DNAH2: variants seen among roughly 807,000 people sequenced by gnomAD.
DNAH2 encodes axonemal beta dynein heavy chain 2.
Under a neutral mutation model 523.5 loss-of-function variants are expected in DNAH2, and 323 were observed. The ratio of observed to expected loss-of-function variants is 0.62; its 90% CI spans 0.56 to 0.68. The LOEUF (loss-of-function observed/expected upper bound fraction) is 0.68. Ranked by LOEUF, DNAH2 falls within the 30% of genes least tolerant of loss-of-function variation. The probability of loss-of-function intolerance (pLI) is 0.00; values close to 1 mark genes in which losing one functional copy is unlikely to be tolerated. For missense variants in DNAH2, 4,907 were observed against 5,701.5 expected (o/e 0.86, Z 4.49); for synonymous variants, 2,093 against 2,177.4 (o/e 0.96, Z 1.08).
Position 7,743,487 on chromosome 17 carries a change from A to G in DNAH2, c.1904+345A>G, listed in dbSNP as rs181090270. On this transcript the variant is annotated intron_variant, in intron 12 of 85. Transcript: ENST00000572933. ...TTGAGAACAGCCTGGGCAACATGGC[A>G]AAACCCAGTCTCTGCAAAAAATACA... The G allele has an allele frequency of 1.9e-3, 1,214 of 642,438 alleles. 4 individuals carry two copies. The highest frequency in any genetic ancestry group is 3.7e-3 in the Admixed American group (143 of 39,062). 39.8% of individuals were successfully genotyped at this position (642,438 alleles called of 1,614,324 possible). A position where few individuals can be genotyped will look rare whatever the true frequency, so the allele number is the denominator to read the frequency against.
chr17:7,796,554 A>G lies in DNAH2; in HGVS notation c.7765A>G (p.Thr2589Ala). The G allele has an allele frequency of 6.2e-7, 1 of 1,613,596 alleles. No homozygotes were observed. The highest frequency in any genetic ancestry group is 1.1e-5 in the South Asian group (1 of 91,030). The change falls in exon 50 of 86, where the codon ACA (threonine) becomes GCA (alanine). Residue 2589 changes from threonine to alanine, a missense_variant. By Grantham distance (58) the Thr-to-Ala change is moderately conservative. Coordinates refer to ENST00000572933, the MANE Select transcript of DNAH2 (RefSeq NM_020877.5). Reference sequence around the variant, plus strand: ...GGTGAAGCCCATTGGGAACGTGGTGACAGAGGCCACCCTGGACATGTACAA... The same window carrying G: ...GGTGAAGCCCATTGGGAACGTGGTGGCAGAGGCCACCCTGGACATGTACAA... ...EEVKPIGNVV[T>A]EATLDMYNTV...
At chr17:7,820,017 C>T (rs1451715946) in intron 72 of DNAH2, among the ~76,000 whole-genome samples, 3 of 152,124 alleles carry the variant, frequency 2.0e-5, no homozygotes, top group South Asian at 4.2e-4. Flanking sequence ...CTATGTTGCC[C>T]TGGCTCGTCT....
At position 7,826,144 on chromosome 17, in the gene DNAH2, T is replaced by C. The variant is rs142367528; in HGVS notation, c.11853+1417T>C. The stretch of plus-strand genomic sequence containing the variant: ...AAGCAGTTCTCCTACCTCAGCCACC[T>C]GAGTAGCTGGGACTACAGGTGTGCG... On this transcript the variant is annotated intron_variant, in intron 77 of 85. Transcript: ENST00000572933. 8.0e-3 allele frequency among the ~76,000 whole-genome samples: 1,220 copies of C among 152,274 alleles called. 7 individuals are homozygous for C. Among genetic ancestry groups the C allele is most frequent in the African/African-American group, 0.028 (1,154 of 41,558 alleles).
chr17:7,759,183 C>G, intron 15 of DNAH2, 59 bp downstream of exon 15: 1 of 1,603,524 alleles, frequency 6.2e-7, no homozygotes, highest in Non-Finnish European at 8.5e-7. Context: ...CCAGTTCCAT[C>G]AGGCCATTCT....
At chr17:7,820,137 C>T (rs774642896) in intron 72 of DNAH2, among the ~76,000 whole-genome samples, 2 of 152,146 alleles carry the variant, frequency 1.3e-5, no homozygotes, top group African/African-American at 4.8e-5. Flanking sequence ...TGACTCTTCC[C>T]TTTCAAAGCA....
At position 7,788,274 on chromosome 17, in the gene DNAH2, G is replaced by A; in HGVS notation, c.6900+30G>A. The A allele has an allele frequency of 3.9e-6, 6 of 1,534,356 alleles. 1 individual carries two copies. Among genetic ancestry groups the A allele is most frequent in the Non-Finnish European group, 5.3e-6 (6 of 1,136,246 alleles). On this transcript the variant is annotated intron_variant, in intron 44 of 85. Coordinates refer to ENST00000572933, the MANE Select transcript of DNAH2 (RefSeq NM_020877.5). ...GGGGAGGACACAGACCACGGGCAGG[G>A]GCAGGGGGTGCTCACAGCCTCACCA...
rs757614894 is a variant in DNAH2 at position 7,768,266 on chromosome 17, A to T, written c.3940A>T (p.Arg1314Trp). ...SDLRNPALRE[R>W]HWDQVRDEIQ... Reference sequence around the variant, plus strand: ...CCTGCGGAACCCTGCCCTTAGAGAGAGGTGAGGCTTCTCCTCTGCTCCGGG... The same window carrying T: ...CCTGCGGAACCCTGCCCTTAGAGAGTGGTGAGGCTTCTCCTCTGCTCCGGG... Residue 1314 changes from arginine (R) to tryptophan (W), a missense_variant and splice_region_variant, in exon 24 of 86, where the codon AGG (arginine) becomes TGG (tryptophan). Arg to Trp is a moderately radical substitution (Grantham distance 101). Around this residue, in one of 3 missense-constraint regions of DNAH2, gnomAD observed 2,806 missense variants for 3,190.8 expected, o/e 0.88. Transcript: ENST00000572933. 1 of 1,614,154 alleles carries T rather than the reference A, an allele frequency of 6.2e-7. No homozygotes were observed. Among genetic ancestry groups the T allele is most frequent in the Non-Finnish European group, 8.5e-7 (1 of 1,180,016 alleles).
intron 44 of DNAH2, among the ~76,000 whole-genome samples, chr17:7,788,963 G>A (rs1484388096): frequency 2.0e-5 from 3 of 152,086 alleles, no homozygotes; most frequent in East Asian, 1.9e-4. Flanking sequence ...TCAGGAGTTC[G>A]AGACCAGCCT....
intron 4 of DNAH2, among the ~76,000 whole-genome samples, chr17:7,732,110 C>T (rs2075006725): frequency 6.7e-6 from 1 of 150,256 alleles, no homozygotes; most frequent in African/African-American, 2.4e-5. Flanking sequence ...TTATTAATTT[C>T]TTCCTTGTGC....
intron 11 of DNAH2, 98 bp from the exon 12 acceptor site, chr17:7,742,830 G>A: frequency 1.3e-6 from 1 of 761,808 alleles, no homozygotes; most frequent in Non-Finnish European, 1.9e-6. Context: ...TATTGTTGGG[G>A]TATGTGCGCA....
In DNAH2 at chr17:7,798,055, C is replaced by T; in HGVS notation, c.8231-102C>T. On this transcript the variant is annotated intron_variant, in intron 53 of 85. Coordinates refer to ENST00000572933, the MANE Select transcript of DNAH2 (RefSeq NM_020877.5). This position sits in a 1 kb window ranked among gnomAD's most constrained non-coding sequence, Gnocchi z 5.5. ...CAACTTCTTCTCATACCTCTTGGTT[C>T]CTCTGCTTCAGTTTCAGGGGCCCCA... The T allele has an allele frequency of 6.9e-7, 1 of 1,456,832 alleles. No individual in the cohort carries two copies. The highest frequency in any genetic ancestry group is 2.3e-5 in the East Asian group (1 of 43,568). 90.2% of individuals were successfully genotyped at this position (1,456,832 alleles called of 1,614,324 possible).
rs1289213261 is a variant in DNAH2 at position 7,821,915 on chromosome 17, T to A, written c.11142+546T>A. Among the ~76,000 whole-genome samples, 1 of 152,044 alleles carries A rather than the reference T, an allele frequency of 6.6e-6. No individual in the cohort carries two copies. Among genetic ancestry groups the A allele is most frequent in the Non-Finnish European group, 1.5e-5 (1 of 68,002 alleles). ...ACAACCATGCTGCACTCTCCCGCCC[T>A]CCTAGACATTTTCTTGACTTTTCCC... On this transcript the variant is annotated intron_variant, in intron 73 of 85. Coordinates refer to ENST00000572933, the MANE Select transcript of DNAH2 (RefSeq NM_020877.5). The surrounding 1 kb of genome is among the most constrained non-coding windows in gnomAD (Gnocchi z 5.0).
At chr17:7,762,801 G>A (rs1043220417) in intron 18 of DNAH2, among the ~76,000 whole-genome samples, 10 of 151,910 alleles carry the variant, frequency 6.6e-5, no homozygotes, top group African/African-American at 1.5e-4. Context: ...AAGGGGCGCT[G>A]TAGCAGCCAA....
intron 2 of DNAH2, among the ~76,000 whole-genome samples, chr17:7,723,125 A>G (rs1463750306): frequency 6.6e-6 from 1 of 150,632 alleles, no homozygotes; most frequent in Non-Finnish European, 1.5e-5. Context: ...TCCCACCAGC[A>G]CATCTGGCTA....
chr17:7,731,074 C>T lies in DNAH2; in HGVS notation c.400-2013C>T, dbSNP rs141805387. Reference sequence around the variant, plus strand: ...CAGAGGTTGCAGTGAGCCAAGATCACGCCATTGCACTCAAGCCTGGGCAAC... The same window carrying T: ...CAGAGGTTGCAGTGAGCCAAGATCATGCCATTGCACTCAAGCCTGGGCAAC... On this transcript the variant is annotated intron_variant, in intron 4 of 85. Coordinates refer to ENST00000572933, the MANE Select transcript of DNAH2 (RefSeq NM_020877.5). Among the ~76,000 whole-genome samples, 1,025 of 151,504 alleles carry T rather than the reference C, an allele frequency of 6.8e-3. 11 individuals carry two copies. Among genetic ancestry groups the T allele is most frequent in the African/African-American group, 0.022 (901 of 41,232 alleles).
chr17:7,739,892 G>T lies in DNAH2; in HGVS notation c.1330G>T (p.Gly444Cys), dbSNP rs762586665. 5 of 1,613,808 alleles carry T rather than the reference G, an allele frequency of 3.1e-6. No individual in the cohort carries two copies. The African/African-American group carries it at 4.0e-5, about 13-fold the overall frequency. The change falls in exon 9 of 86, where the codon GGT (glycine) becomes TGT (cysteine). Residue 444 changes from glycine (G) to cysteine (C), a missense_variant. Coordinates refer to ENST00000572933, the MANE Select transcript of DNAH2 (RefSeq NM_020877.5). ...NLHTLRAVRGGILDVKNTCWH... is the reference protein window; with the variant it reads ...NLHTLRAVRGCILDVKNTCWH... ...GCACACGCTGCGAGCCGTTCGCGGG[G>T]GTATCCTGGATGTCAAGAACACCTG...
chr17:7,760,441 C>G lies in DNAH2; in HGVS notation c.2786-299C>G, dbSNP rs2075974452. On this transcript the variant is annotated intron_variant, in intron 17 of 85. Transcript: ENST00000572933. The surrounding 1 kb of genome is among the most constrained non-coding windows in gnomAD (Gnocchi z 4.0). ...GGGGGTTGAGATTAGGTGACTGATG[C>G]TCATGGGTTTTGGGATTTGGGATGG... Among the ~76,000 whole-genome samples, 1 of 151,514 alleles carries G rather than the reference C, an allele frequency of 6.6e-6. No individual in the cohort carries two copies. The highest frequency in any genetic ancestry group is 2.1e-4 in the South Asian group (1 of 4,816).
chr17:7,779,004 G>A (rs1352463763), intron 35 of DNAH2, among the ~76,000 whole-genome samples: 1 of 152,188 alleles, frequency 6.6e-6, no homozygotes, highest in Non-Finnish European at 1.5e-5. Flanking sequence ...GTGCACACAA[G>A]TTCCCTACCC....
chr17:7,736,755 G>A (rs773111509), intron 7 of DNAH2, among the ~76,000 whole-genome samples: 29 of 152,192 alleles, frequency 1.9e-4, no homozygotes, highest in Non-Finnish European at 3.8e-4. Context: ...GCTGAGGCAG[G>A]TGGATTACTC....
Sources: allele counts gnomAD v4.1 joint callset (sites outside exome capture counted in the v4.1 genomes callset), GRCh38; gene constraint gnomAD v4.1.1; regional missense constraint gnomAD v4.1.1; non-coding constraint Gnocchi (gnomAD v3.1); transcripts MANE v1.5; gene names NCBI Gene and HGNC (gene_info 2026-07-23, HGNC 2026-07-21).